The following RANBP17 variants were observed in gnomAD, a reference collection of about 807,000 sequenced individuals.
The protein encoded by RANBP17 is ran-binding protein 17.
In RANBP17, 158 loss-of-function variants were observed where a neutral mutation model predicts 141.2. That is an observed-to-expected ratio of 1.12 (90% CI 0.98 to 1.28). The LOEUF (loss-of-function observed/expected upper bound fraction) is 1.28. RANBP17 is among the 50% of genes most tolerant of loss of function. RANBP17 has a pLI of 0.00. For synonymous variants in RANBP17, 430 were observed against 450.0 expected (o/e 0.96, Z 0.56); for missense variants, 1,438 against 1,290.7 (o/e 1.11, Z -1.75).
At chr5:171,049,224 A>C (rs1782793401) in intron 14 of RANBP17, among the ~76,000 whole-genome samples, 1 of 152,146 alleles carries the variant, frequency 6.6e-6, no homozygotes, top group Admixed American at 6.5e-5. Context: ...CATTTCTCTA[A>C]TGATTAGTGA....
chr5:171,048,230 T>C (rs1229772471), intron 14 of RANBP17, among the ~76,000 whole-genome samples: 6 of 152,132 alleles, frequency 3.9e-5, no homozygotes, highest in Admixed American at 3.9e-4. Context: ...CAACTAACTT[T>C]TTTATTTTTT....
chr5:171,128,630 A>G (rs1561682967), intron 14 of RANBP17, among the ~76,000 whole-genome samples: 1 of 152,208 alleles, frequency 6.6e-6, no homozygotes. Context: ...AATGTGTCAT[A>G]TATTTCAAGA....
chr5:170,922,220 C>T (rs187810832), intron 11 of RANBP17, among the ~76,000 whole-genome samples: 245 of 152,236 alleles, frequency 1.6e-3, no homozygotes, highest in Middle Eastern at 3.4e-3. Flanking sequence ...CAGAGGGTCA[C>T]CTGCCTGTTT....
intron 14 of RANBP17, among the ~76,000 whole-genome samples, chr5:171,147,306 G>T (rs1332727626): frequency 7.1e-6 from 1 of 140,322 alleles, no homozygotes; most frequent in Non-Finnish European, 1.5e-5. Context: ...AGAAAAAGTA[G>T]AATTATTATG....
intron 14 of RANBP17, among the ~76,000 whole-genome samples, chr5:170,982,531 C>T (rs1403355649): frequency 6.6e-6 from 1 of 152,094 alleles, no homozygotes; most frequent in African/African-American, 2.4e-5. Flanking sequence ...GAAATTAAAA[C>T]TTAGTAGGTT....
At chr5:171,016,989 T>C (rs1475129484) in intron 14 of RANBP17, among the ~76,000 whole-genome samples, 1 of 149,364 alleles carries the variant, frequency 6.7e-6, no homozygotes, top group African/African-American at 2.5e-5. Flanking sequence ...CACTTACGTG[T>C]GAGAGCATTC....
At position 171,011,792 on chromosome 5, in the gene RANBP17, C is replaced by T. The variant is rs79732433; in HGVS notation, c.1710+43415C>T. Among the ~76,000 whole-genome samples, 48 of 151,956 alleles carry T rather than the reference C, an allele frequency of 3.2e-4. No individual in the cohort carries two copies. In the East Asian group the frequency reaches 8.9e-3, roughly 28 times the overall value. ...AATGATATAGGAATATTATTTAATA[C>T]ATAGTTCCTAGTTGTTTCTCGTTTG... is the stretch of plus-strand genomic sequence containing the variant. On this transcript the variant is annotated intron_variant, in intron 14 of 27. Coordinates refer to ENST00000523189, the MANE Select transcript of RANBP17 (RefSeq NM_022897.5).
In RANBP17 at chr5:171,055,476, A is replaced by T. The variant is rs143072817; in HGVS notation, c.1710+87099A>T. ...AAGATGTATTCTTATACTTGGCCTGATTATTTGTATAAAGTTCAGCAAGAA... is the reference window on the plus strand; with the variant it reads ...AAGATGTATTCTTATACTTGGCCTGTTTATTTGTATAAAGTTCAGCAAGAA... On this transcript the variant is annotated intron_variant, in intron 14 of 27. Transcript: ENST00000523189. 3.1e-3 allele frequency among the ~76,000 whole-genome samples: 465 copies of T among 152,240 alleles called. 3 individuals are homozygous for T. Among genetic ancestry groups the T allele is most frequent in the African/African-American group, 0.011 (441 of 41,554 alleles).
intron 14 of RANBP17, among the ~76,000 whole-genome samples, chr5:171,096,610 C>A (rs749109307): frequency 2.0e-5 from 3 of 151,994 alleles, no homozygotes; most frequent in Non-Finnish European, 4.4e-5. Context: ...ATACTGCCTA[C>A]CAAAGGGTAA....
At chr5:171,195,568 A>G (rs1162061025) in intron 18 of RANBP17, among the ~76,000 whole-genome samples, 1 of 152,142 alleles carries the variant, frequency 6.6e-6, no homozygotes, top group Non-Finnish European at 1.5e-5. Flanking sequence ...TAGGAATTCC[A>G]TTTTCCTCAC....
At chr5:171,244,684 C>T (rs982580323) in intron 24 of RANBP17, among the ~76,000 whole-genome samples, 6 of 152,048 alleles carry the variant, frequency 3.9e-5, no homozygotes, top group African/African-American at 7.2e-5. Flanking sequence ...TGACCTCAAG[C>T]GATACACCCA....
chr5:170,914,071 G>A (rs949239602), intron 7 of RANBP17, 96 bp from the exon 8 acceptor site: 3 of 786,266 alleles, frequency 3.8e-6, no homozygotes, highest in African/African-American at 3.4e-5. Flanking sequence ...GCCACATGCA[G>A]AGGCCTTGGA....
At chr5:170,898,173 ATAGT>A (rs1770295670) in intron 5 of RANBP17, among the ~76,000 whole-genome samples, 1 of 152,108 alleles carries the variant, frequency 6.6e-6, no homozygotes, top group African/African-American at 2.4e-5. Context: ...TATATTTAGG[ATAGT>A]TAGCTCTTCT....
intron 14 of RANBP17, among the ~76,000 whole-genome samples, chr5:171,101,953 A>G (rs906028618): frequency 1.3e-5 from 2 of 152,054 alleles, no homozygotes; most frequent in Admixed American, 1.3e-4. Context: ...GGGTTTCTGC[A>G]GAGATCCACT....
intron 20 of RANBP17, among the ~76,000 whole-genome samples, chr5:171,210,531 A>G (rs1464732980): frequency 6.6e-6 from 1 of 152,072 alleles, no homozygotes; most frequent in Admixed American, 6.6e-5. Context: ...TTTGGGTTGA[A>G]TCCATTTTCT....
chr5:171,257,443 A>G (rs1765972105), intron 24 of RANBP17, among the ~76,000 whole-genome samples: 2 of 152,220 alleles, frequency 1.3e-5, no homozygotes. Flanking sequence ...ACAAACCCAC[A>G]GCCAAAATCA....
intron 12 of RANBP17, among the ~76,000 whole-genome samples, chr5:170,953,317 A>C (rs1415216880): frequency 2.6e-5 from 4 of 152,170 alleles, no homozygotes; most frequent in Non-Finnish European, 5.9e-5. Context: ...TGAAAACCCT[A>C]AGACTTAAAG....
intron 22 of RANBP17, 36 bp from the exon 23 acceptor site, chr5:171,240,892 C>G: frequency 7.2e-7 from 1 of 1,381,368 alleles, no homozygotes. Flanking sequence ...TGAATGACAT[C>G]TACTTATGTC....
chr5:170,938,111 G>A (rs1053868867), intron 12 of RANBP17, among the ~76,000 whole-genome samples: 1 of 152,106 alleles, frequency 6.6e-6, no homozygotes, highest in African/African-American at 2.4e-5. Flanking sequence ...CTTTAATCGG[G>A]GTGGGACGGG....
Sources: allele counts gnomAD v4.1 joint callset (sites outside exome capture counted in the v4.1 genomes callset), GRCh38; gene constraint gnomAD v4.1.1; transcripts MANE v1.5; gene names NCBI Gene and HGNC (gene_info 2026-07-23, HGNC 2026-07-21).